The following PAM16 variants were observed in gnomAD, a reference collection of about 807,000 sequenced individuals.
PAM16 encodes the protein presequence translocase associated motor 16, also known as mitochondrial import inner membrane translocase subunit TIM16.
PAM16 carries 11 observed loss-of-function variants against 17.9 expected under a neutral mutation model. The observed-to-expected ratio is 0.62, with a 90% CI of 0.39 to 1.02. The LOEUF is 1.02. Among genes scored for constraint, PAM16 ranks in the 50% least tolerant of loss-of-function variants. The pLI is 0.01. For synonymous variants in PAM16, 72 were observed against 67.4 expected (o/e 1.07, Z -0.34); for missense variants, 199 against 165.4 (o/e 1.20, Z -1.11).
In PAM16 at chr16:4,348,315, C is replaced by T. The variant is rs2053789633; in HGVS notation, c.3+2917G>A. The stretch of plus-strand genomic sequence containing the variant: ...GGCAGGGTTTCCAAGCGCCTCCTAA[C>T]CCTTCTGCGGGAGGGTTCTGGCCAT... On this transcript the variant is annotated intron_variant, in intron 1 of 4. Coordinates refer to ENST00000318059, the MANE Select transcript of PAM16 (RefSeq NM_016069.11). The T allele has an allele frequency of 2.0e-5, 3 of 152,350 alleles. No homozygotes were observed. In the South Asian group the frequency reaches 6.2e-4, roughly 32 times the overall value. The allele number at this position is 152,350 out of a possible 1,614,324, so 9.4% of individuals were successfully genotyped here. A position where few individuals can be genotyped will look rare whatever the true frequency, so the allele number is the denominator to read the frequency against.
At chr16:4,344,063 C>A (rs1170577361) in intron 1 of PAM16, 2 of 397,816 alleles carry the variant, frequency 5.0e-6, no homozygotes, top group African/African-American at 4.1e-5. Flanking sequence ...ACACACCAGG[C>A]TGAACATGCC....
rs771352372 is a variant in PAM16, at chr16:4,340,385, G to A, written c.312C>T (p.Arg104=). The stretch of plus-strand genomic sequence containing the variant: ...CCTGGATTTTGAGTTCCTCATCCAG[G>A]CGCTCCTTTGCGCGGACCACCTAGT... ...LQSKVVRAKE[R]LDEELKIQAQ... The change falls in exon 5 of 5, where the codon CGC becomes CGT. Residue 104 remains arginine (R), a synonymous_variant. Transcript: ENST00000318059. The A allele has an allele frequency of 1.2e-6, 2 of 1,612,466 alleles. No homozygotes were observed. The highest frequency in any genetic ancestry group is 3.3e-5 in the Admixed American group (2 of 60,022).
At chr16:4,349,961 A>G (rs1567234136) in intron 1 of PAM16, among the ~76,000 whole-genome samples, 1 of 152,138 alleles carries the variant, frequency 6.6e-6, no homozygotes, top group Non-Finnish European at 1.5e-5. Context: ...GCCTTAGCTC[A>G]GGGGCTGGCA....
rs759272698 is a variant in PAM16, at chr16:4,343,290, G to C, written c.5C>G (p.Ala2Gly). The C allele has an allele frequency of 8.7e-6, 14 of 1,609,286 alleles. No homozygotes were observed. In the South Asian group the frequency reaches 1.3e-4, roughly 15 times the overall value. M[A>G]KYLAQIIVMG... ...CACAATGATCTGGGCCAGGTACTTG[G>C]CCTGTGGGCAAAGCAGGCACCCGGT... Residue 2 changes from alanine (A) to glycine (G), a missense_variant and splice_region_variant, in exon 2 of 5, where the codon GCC becomes GGC. Ala to Gly is a moderately conservative substitution (Grantham distance 60, BLOSUM62 0). Transcript: ENST00000318059.
intron 1 of PAM16, among the ~76,000 whole-genome samples, chr16:4,350,599 C>T (rs565797643): frequency 6.6e-6 from 1 of 152,038 alleles, no homozygotes; most frequent in East Asian, 1.9e-4. Flanking sequence ...GACCGGGTTT[C>T]ATCATGTTGG....
chr16:4,341,956 G>A (rs1411649015), intron 2 of PAM16, among the ~76,000 whole-genome samples: 1 of 152,162 alleles, frequency 6.6e-6, no homozygotes, highest in African/African-American at 2.4e-5. Flanking sequence ...CCAGAACCTA[G>A]AATCAGGAGC....
At chr16:4,347,203 A>G (rs1300352383) in intron 1 of PAM16, 5 of 152,210 alleles carry the variant, frequency 3.3e-5, no homozygotes, top group African/African-American at 9.6e-5. Flanking sequence ...GGGATGTGAT[A>G]TGGGCCATTA....
Position 4,341,593 on chromosome 16 carries a change from G to C in PAM16, c.89-89C>G, listed in dbSNP as rs774435508. ...AGTTGGTGGCTCACCCCTGCCACCA[G>C]CACAGGATGAGAGACACAGGGACAG... is the stretch of plus-strand genomic sequence containing the variant. On this transcript the variant is annotated intron_variant, in intron 2 of 4. Transcript: ENST00000318059. The C allele has an allele frequency of 2.7e-6, 4 of 1,495,746 alleles. No homozygotes were observed. The African/African-American group carries it at 5.5e-5, about 21-fold the overall frequency. The allele number at this position is 1,495,746 out of a possible 1,614,324, so 92.7% of individuals were successfully genotyped here.
chr16:4,343,204 T>C lies in PAM16; in HGVS notation c.88+3A>G. On this transcript the variant is annotated splice_donor_region_variant and intron_variant, in intron 2 of 4. Coordinates refer to ENST00000318059, the MANE Select transcript of PAM16 (RefSeq NM_016069.11). ...CCCACAGGGGAGACGGACCCATGCT[T>C]ACCTGCAAACTCCTGCCGCAAGGCC... The C allele has an allele frequency of 6.2e-7, 1 of 1,612,568 alleles. No individual in the cohort carries two copies. Among genetic ancestry groups the C allele is most frequent in the African/African-American group, 1.3e-5 (1 of 75,068 alleles).
chr16:4,342,443 T>C (rs887479127), intron 2 of PAM16, among the ~76,000 whole-genome samples: 13 of 151,250 alleles, frequency 8.6e-5, no homozygotes, highest in Non-Finnish European at 1.8e-4. Flanking sequence ...TCACGTGAGG[T>C]TGGGAGTTCA....
At chr16:4,343,390 C>A (rs1233969390) in intron 1 of PAM16, 99 bp from the exon 2 acceptor site, 1 of 1,506,042 alleles carries the variant, frequency 6.6e-7, no homozygotes, top group African/African-American at 1.4e-5. Flanking sequence ...TCCCGGAGAC[C>A]CGAGGTCATG....
intron 2 of PAM16, among the ~76,000 whole-genome samples, chr16:4,342,764 G>C (rs534742066): frequency 4.6e-5 from 7 of 152,112 alleles, no homozygotes; most frequent in African/African-American, 7.2e-5. Context: ...TTCCAGACCA[G>C]CATGGCCAAC....
chr16:4,341,088 AC>A, intron 3 of PAM16, 103 bp from the exon 4 acceptor site: 1 of 1,437,062 alleles, frequency 7.0e-7, no homozygotes, highest in Non-Finnish European at 9.7e-7. Flanking sequence ...ACTCCTCTCC[AC>A]CCTGTGTGCC....
At chr16:4,344,493 G>A (rs1281620071) in intron 1 of PAM16, among the ~76,000 whole-genome samples, 3 of 28,156 alleles carry the variant, frequency 1.1e-4, no homozygotes, top group African/African-American at 4.7e-4. Flanking sequence ...AGAGGAGGGG[G>A]TTCTGTGAGA....
chr16:4,343,223 CAAGGCCCGTGCA>C lies in PAM16; in HGVS notation c.60_71del (p.Phe20_Ala23del), dbSNP rs762150838. On this transcript the variant is annotated inframe_deletion, in exon 2 of 5. Transcript: ENST00000318059. ...CATGCTTACCTGCAAACTCCTGCCG[CAAGGCCCGTGCA>C]AAGGCCCTGCCCACCACCTGCACGC... 18 of 1,612,704 alleles carry C rather than the reference CAAGGCCCGTGCA, an allele frequency of 1.1e-5. No individual in the cohort carries two copies. The highest frequency in any genetic ancestry group is 1.5e-5 in the Non-Finnish European group (18 of 1,179,986).
intron 4 of PAM16, 70 bp downstream of exon 4, chr16:4,340,850 A>G: frequency 6.3e-7 from 1 of 1,581,658 alleles, no homozygotes; most frequent in Middle Eastern, 1.7e-4. Context: ...TCCCCCAACT[A>G]GGAATTGAGC....
intron 2 of PAM16, 157 bp from the exon 3 acceptor site, chr16:4,341,661 AG>A (rs2053649592): frequency 7.9e-7 from 1 of 1,264,420 alleles, no homozygotes; most frequent in Non-Finnish European, 1.1e-6. Flanking sequence ...TTTCCTTTTT[AG>A]GGGGTAGAGG....
At chr16:4,350,742 G>A (rs775107393) in intron 1 of PAM16, among the ~76,000 whole-genome samples, 8 of 152,290 alleles carry the variant, frequency 5.3e-5, no homozygotes, top group Non-Finnish European at 8.8e-5. Context: ...CTGACAGTGT[G>A]GCGCAGGTCT....
At chr16:4,350,815 T>C (rs2053841394) in intron 1 of PAM16, 1 of 168,698 alleles carries the variant, frequency 5.9e-6, no homozygotes, top group Admixed American at 6.4e-5. Context: ...TCTCGGGGCC[T>C]AGTTCAAGTC....
Sources: allele counts gnomAD v4.1 joint callset (sites outside exome capture counted in the v4.1 genomes callset), GRCh38; gene constraint gnomAD v4.1.1; transcripts MANE v1.5; gene names NCBI Gene and HGNC (gene_info 2026-07-23, HGNC 2026-07-21).